FGFR4: variants seen among roughly 807,000 people sequenced by gnomAD.
The protein encoded by FGFR4 is fibroblast growth factor receptor 4.
In FGFR4, 63 loss-of-function variants were observed where a neutral mutation model predicts 89.9. The observed-to-expected ratio is 0.70, with a 90% CI of 0.57 to 0.86. FGFR4 has a LOEUF of 0.86. Among genes scored for constraint, FGFR4 ranks in the 40% least tolerant of loss-of-function variants. The pLI, the probability that FGFR4 is intolerant of heterozygous loss-of-function variation, is 0.00. For synonymous variants in FGFR4, 486 were observed against 479.4 expected (o/e 1.01, Z -0.18); for missense variants, 928 against 1,106.7 (o/e 0.84, Z 2.29).
At chr5:177,094,885 C>T (rs1382146170) in intron 11 of FGFR4, 1 of 175,868 alleles carries the variant, frequency 5.7e-6, no homozygotes, top group African/African-American at 2.4e-5. Context: ...TCCCTGAATT[C>T]CCAGGCCAGT....
Position 177,095,443 on chromosome 5 carries a change from G to A in FGFR4, c.1630+3G>A, listed in dbSNP as rs1784517410. On this transcript the variant is annotated splice_donor_region_variant and intron_variant, in intron 12 of 17. Coordinates refer to ENST00000292408, the MANE Select transcript of FGFR4 (RefSeq NM_213647.3). This position sits in a 1 kb window ranked among gnomAD's most constrained non-coding sequence, Gnocchi z 5.7. ...GCTTGGTGTCTGCACCCAGGAAGGT[G>A]GGGCCGAGGCGGGGCTGGCTGCACG... 1.2e-6 allele frequency: 2 copies of A among 1,614,098 alleles called. No individual in the cohort carries two copies. Among genetic ancestry groups the A allele is most frequent in the East Asian group, 4.5e-5 (2 of 44,872 alleles).
intron 4 of FGFR4, 31 bp downstream of exon 4, chr5:177,090,856 G>A (rs201706535): frequency 2.0e-5 from 32 of 1,613,834 alleles, no homozygotes; most frequent in African/African-American, 1.2e-4. Context: ...TTGTGTCCCC[G>A]CTGCTGCTCA....
chr5:177,090,171 G>A (rs759160109), intron 2 of FGFR4: 12 of 704,954 alleles, frequency 1.7e-5, no homozygotes, highest in African/African-American at 1.4e-4. Context: ...CCACTGTCGT[G>A]TGCACTAAAT....
At position 177,095,468 on chromosome 5, in the gene FGFR4, G is replaced by A. The variant is rs199587727; in HGVS notation, c.1630+28G>A. The A allele has an allele frequency of 5.6e-4, 901 of 1,613,620 alleles. 8 individuals are homozygous for A. In the East Asian group the frequency reaches 0.01, roughly 19 times the overall value. On this transcript the variant is annotated intron_variant, in intron 12 of 17. Transcript: ENST00000292408. This position sits in a 1 kb window ranked among gnomAD's most constrained non-coding sequence, Gnocchi z 5.7. Reference sequence around the variant, plus strand: ...GGGGCCGAGGCGGGGCTGGCTGCACGGGCCGTTAGGGTGCAGAGCCAAAGC... The same window carrying A: ...GGGGCCGAGGCGGGGCTGGCTGCACAGGCCGTTAGGGTGCAGAGCCAAAGC...
At position 177,096,967 on chromosome 5, in the gene FGFR4, CCTCTTCCTCCTCCTT is replaced by C. The variant is rs1478815830; in HGVS notation, c.2153+241_2153+255del. Among the ~76,000 whole-genome samples the C allele has an allele frequency of 2.7e-4, 25 of 92,252 alleles. 9 individuals are homozygous for C. The highest frequency in any genetic ancestry group is 5.4e-4 in the African/African-American group (14 of 25,886). 60.5% of individuals were successfully genotyped at this position (92,252 alleles called of 152,430 possible). On this transcript the variant is annotated intron_variant, in intron 16 of 17. Transcript: ENST00000292408. The stretch of plus-strand genomic sequence containing the variant: ...TCCTCTTCCTCCTTCTCCTCCTGCT[CCTCTTCCTCCTCCTT>C]CTCTTCCTCCTCCTCCTCTTCCTCC...
rs1366096121 is a variant in FGFR4, at chr5:177,096,147, C to T, written c.1912C>T (p.His638Tyr). The T allele has an allele frequency of 1.9e-6, 3 of 1,614,158 alleles. 1 individual carries two copies. The highest frequency in any genetic ancestry group is 1.1e-5 in the South Asian group (1 of 91,086). Residue 638 changes from histidine (H) to tyrosine (Y), a missense_variant, in exon 14 of 18, where the codon CAC (histidine) becomes TAC (tyrosine). Physicochemically the swap from His to Tyr is moderately conservative, Grantham distance 83 (BLOSUM62 2). Coordinates refer to ENST00000292408, the MANE Select transcript of FGFR4 (RefSeq NM_213647.3). ...IADFGLARGV[H>Y]HIDYYKKTSN... ...TGACTTTGGGCTGGCCCGCGGCGTC[C>T]ACCACATTGACTACTATAAGAAAAC...
At chr5:177,091,648 A>G (rs1470040078) in intron 5 of FGFR4, 37 bp from the exon 6 acceptor site, 5 of 1,610,190 alleles carry the variant, frequency 3.1e-6, no homozygotes, top group Non-Finnish European at 4.2e-6. Flanking sequence ...CTTGGTGGAC[A>G]TGGTCCGGTG....
chr5:177,095,766 T>C lies in FGFR4; in HGVS notation c.1821+43T>C. The C allele has an allele frequency of 1.8e-5, 27 of 1,509,410 alleles. No homozygotes were observed. The highest frequency in any genetic ancestry group is 2.2e-5 in the Non-Finnish European group (25 of 1,128,070). 93.5% of individuals were successfully genotyped at this position (1,509,410 alleles called of 1,614,324 possible). A position where few individuals can be genotyped will look rare whatever the true frequency, so the allele number is the denominator to read the frequency against. ...CTGAGCCCCTCTCAGTCTCTCCAGC[T>C]CCACTCTCAGGCCTGTGGCATTCAA... On this transcript the variant is annotated intron_variant, in intron 13 of 17. Transcript: ENST00000292408. The surrounding 1 kb of genome is among the most constrained non-coding windows in gnomAD (Gnocchi z 5.7).
intron 16 of FGFR4, 48 bp from the exon 17 acceptor site, chr5:177,097,244 T>G: frequency 4.7e-6 from 7 of 1,475,984 alleles, no homozygotes; most frequent in Non-Finnish European, 6.4e-6. Context: ...CTCCCCTTCC[T>G]CCTGAAGGCC....
Position 177,097,510 on chromosome 5 carries a change from A to T in FGFR4, c.2260-17A>T, listed in dbSNP as rs373549463. The T allele has an allele frequency of 1.2e-6, 2 of 1,608,232 alleles. No individual in the cohort carries two copies. Among genetic ancestry groups the T allele is most frequent in the Non-Finnish European group, 1.7e-6 (2 of 1,176,812 alleles). On this transcript the variant is annotated splice_polypyrimidine_tract_variant and intron_variant, in intron 17 of 17. Coordinates refer to ENST00000292408, the MANE Select transcript of FGFR4 (RefSeq NM_213647.3). ...ATCCCGGGCGCTGCAGAGGCTGACC[A>T]GCTCCGTTCCCCACAGTACCTCGAC...
At position 177,087,306 on chromosome 5, in the gene FGFR4, G is replaced by A. The variant is rs897685476; in HGVS notation, c.-54+229G>A. 4 of 152,456 alleles carry A rather than the reference G, an allele frequency of 2.6e-5. No individual in the cohort carries two copies. The highest frequency in any genetic ancestry group is 7.2e-5 in the African/African-American group (3 of 41,454). 9.4% of individuals were successfully genotyped at this position (152,456 alleles called of 1,614,324 possible). A position where few individuals can be genotyped will look rare whatever the true frequency, so the allele number is the denominator to read the frequency against. ...GAGCTGGTTACTCATTGCCCACCGA[G>A]GCGGGGGCAGGCTGGCCCTGTGCAG... On this transcript the variant is annotated intron_variant, in intron 1 of 17. Transcript: ENST00000292408. This position sits in a 1 kb window ranked among gnomAD's most constrained non-coding sequence, Gnocchi z 6.1.
chr5:177,087,563 T>TGGG lies in FGFR4; in HGVS notation c.-54+490_-54+492dup. 1 of 984,636 alleles carries TGGG rather than the reference T, an allele frequency of 1.0e-6. No homozygotes were observed. Among genetic ancestry groups the TGGG allele is most frequent in the Non-Finnish European group, 1.2e-6 (1 of 829,398 alleles). The allele number at this position is 984,636 out of a possible 1,614,324, so 61.0% of individuals were successfully genotyped here. A position where few individuals can be genotyped will look rare whatever the true frequency, so the allele number is the denominator to read the frequency against. On this transcript the variant is annotated intron_variant, in intron 1 of 17. Transcript: ENST00000292408. This position sits in a 1 kb window ranked among gnomAD's most constrained non-coding sequence, Gnocchi z 6.1. ...CTAAGGCAGGCCCTCCATTCCCACG[T>TGGG]GGGGGGTGGTCGGTCAGCGGTCAGC...
intron 1 of FGFR4, among the ~76,000 whole-genome samples, chr5:177,088,936 A>G (rs993681155): frequency 6.6e-6 from 1 of 152,254 alleles, no homozygotes; most frequent in African/African-American, 2.4e-5. Context: ...TGGCTCTGGC[A>G]GATGGAAAAT....
In FGFR4 at chr5:177,089,515, C is replaced by T. The variant is rs1038205919; in HGVS notation, c.-53-35C>T. On this transcript the variant is annotated intron_variant, in intron 1 of 17. Transcript: ENST00000292408. ...AGGGAAAAGCCCCCACAAAGGTGCACGTGTAGCAGGAGCTCTTTTCCCTCC... is the reference window on the plus strand; with the variant it reads ...AGGGAAAAGCCCCCACAAAGGTGCATGTGTAGCAGGAGCTCTTTTCCCTCC... 1.3e-5 allele frequency: 20 copies of T among 1,505,662 alleles called. No individual in the cohort carries two copies. The African/African-American group carries it at 1.8e-4, about 14-fold the overall frequency. 93.3% of individuals were successfully genotyped at this position (1,505,662 alleles called of 1,614,324 possible).
In FGFR4 at chr5:177,093,240, C is replaced by T. The variant is rs2149735251; in HGVS notation, c.1160C>T (p.Ala387Val). 2 of 1,612,884 alleles carry T rather than the reference C, an allele frequency of 1.2e-6. No individual in the cohort carries two copies. Among genetic ancestry groups the T allele is most frequent in the Non-Finnish European group, 1.7e-6 (2 of 1,179,288 alleles). The change falls in exon 9 of 18, where the codon GCC becomes GTC. Residue 387 changes from alanine to valine, a missense_variant. Ala to Val is a moderately conservative substitution (Grantham distance 64). Transcript: ENST00000292408. This position sits in a 1 kb window ranked among gnomAD's most constrained non-coding sequence, Gnocchi z 5.8. ...SLALAVLLLL[A>V]GLYRGQALHG... The stretch of plus-strand genomic sequence containing the variant: ...GCCTTGGCTGTGCTCCTGCTGCTGG[C>T]CGGGCTGTATCGAGGGCAGGCGCTC...
Position 177,091,019 on chromosome 5 carries a change from C to T in FGFR4, c.518C>T (p.Pro173Leu), listed in dbSNP as rs2149732011. The part of the protein sequence containing the change: ...PAGNTVKFRC[P>L]AAGNPTPTIR... ...GGGAACACCGTCAAGTTCCGCTGTC[C>T]AGCTGCAGGCAACCCCACGCCCACC... The change falls in exon 5 of 18, where the codon CCA (proline) becomes CTA (leucine). Residue 173 changes from proline (P) to leucine (L), a missense_variant. Transcript: ENST00000292408. The T allele has an allele frequency of 6.2e-7, 1 of 1,613,358 alleles. No individual in the cohort carries two copies. The highest frequency in any genetic ancestry group is 8.5e-7 in the Non-Finnish European group (1 of 1,179,324).
Position 177,090,770 on chromosome 5 carries a change from T to G in FGFR4, c.381T>G (p.Asp127Glu), listed in dbSNP as rs1784338299. Residue 127 changes from aspartate (D) to glutamate (E), a missense_variant, in exon 4 of 18, where the codon GAT (aspartate) becomes GAG (glutamate). Coordinates refer to ENST00000292408, the MANE Select transcript of FGFR4 (RefSeq NM_213647.3). ...TGDSLTSSND[D>E]EDPKSHRDPS... Reference sequence around the variant, plus strand: ...ACTCCTTGACCTCCAGCAACGATGATGAGGACCCCAAGTCCCATAGGGACC... The same window carrying G: ...ACTCCTTGACCTCCAGCAACGATGAGGAGGACCCCAAGTCCCATAGGGACC... 4.3e-6 allele frequency: 7 copies of G among 1,610,944 alleles called. No homozygotes were observed. Among genetic ancestry groups the G allele is most frequent in the Non-Finnish European group, 5.9e-6 (7 of 1,177,726 alleles).
At position 177,095,593 on chromosome 5, in the gene FGFR4, C is replaced by T. The variant is rs2149737876; in HGVS notation, c.1691C>T (p.Ala564Val). The part of the protein sequence containing the change: ...AKGNLREFLR[A>V]RRPPGPDLSP... ...GGAAACCTGCGGGAGTTCCTGCGGG[C>T]CCGGCGCCCCCCAGGCCCCGACCTC... Residue 564 changes from alanine (A) to valine (V), a missense_variant, in exon 13 of 18, where the codon GCC becomes GTC. By Grantham distance (64) the Ala-to-Val change is moderately conservative. Transcript: ENST00000292408. The surrounding 1 kb of genome is among the most constrained non-coding windows in gnomAD (Gnocchi z 5.7). 1.9e-6 allele frequency: 3 copies of T among 1,606,390 alleles called. No individual in the cohort carries two copies. Among genetic ancestry groups the T allele is most frequent in the Non-Finnish European group, 2.5e-6 (3 of 1,177,328 alleles).
Position 177,095,051 on chromosome 5 carries a change from G to C in FGFR4, c.1520-279G>C. 2.3e-6 allele frequency: 1 copy of C among 439,144 alleles called. No individual in the cohort carries two copies. The highest frequency in any genetic ancestry group is 4.3e-6 in the Non-Finnish European group (1 of 234,854). 27.2% of individuals were successfully genotyped at this position (439,144 alleles called of 1,614,324 possible). On this transcript the variant is annotated intron_variant, in intron 11 of 17. Coordinates refer to ENST00000292408, the MANE Select transcript of FGFR4 (RefSeq NM_213647.3). The surrounding 1 kb of genome is among the most constrained non-coding windows in gnomAD (Gnocchi z 5.7). Reference sequence around the variant, plus strand: ...GCTCTTCCCCTCTCTCCTGTGTCCTGGGCCTGCCCGCTGGAAGGCCTGCCT... The same window carrying C: ...GCTCTTCCCCTCTCTCCTGTGTCCTCGGCCTGCCCGCTGGAAGGCCTGCCT...
Sources: allele counts gnomAD v4.1 joint callset (sites outside exome capture counted in the v4.1 genomes callset), GRCh38; gene constraint gnomAD v4.1.1; non-coding constraint Gnocchi (gnomAD v3.1); transcripts MANE v1.5; gene names NCBI Gene and HGNC (gene_info 2026-07-23, HGNC 2026-07-21).